The following INTS15 variants were observed in gnomAD, a reference collection of about 807,000 sequenced individuals.
INTS15 encodes integrator complex subunit 15.
chr7:6,604,661 C>T, the INTS15 span, among the ~76,000 whole-genome samples: 3 of 152,262 alleles, frequency 2.0e-5, no homozygotes, highest in East Asian at 1.9e-4. Context: ...AGCAGCAGAG[C>T]GCTGGGCAGC....
chr7:6,607,659 G>A, the INTS15 span: 14 of 1,498,868 alleles, frequency 9.3e-6, no homozygotes, highest in Non-Finnish European at 1.3e-5. The surrounding 1 kb of genome is among the most constrained non-coding windows in gnomAD (Gnocchi z 6.0). Context: ...GTGTCCCAGC[G>A]CAGCAGAGAG....
chr7:6,600,742 C>G, the INTS15 span, among the ~76,000 whole-genome samples: 1 of 152,154 alleles, frequency 6.6e-6, no homozygotes, highest in Non-Finnish European at 1.5e-5. Context: ...AGTGCAACCT[C>G]CATCTCCTGG....
At chr7:6,601,403 C>T in the INTS15 span, among the ~76,000 whole-genome samples, 5 of 151,304 alleles carry the variant, frequency 3.3e-5, no homozygotes, top group South Asian at 1.0e-3. Flanking sequence ...TCTAGTGATT[C>T]TACCGCCTCA....
chr7:6,597,344 G>C, the INTS15 span, among the ~76,000 whole-genome samples: 1 of 151,878 alleles, frequency 6.6e-6, no homozygotes, highest in Non-Finnish European at 1.5e-5. Flanking sequence ...ACCTAGGCTG[G>C]AGTGCAGTGG....
chr7:6,590,185 GC>G, the INTS15 span: 1 of 1,136,692 alleles, frequency 8.8e-7, no homozygotes, highest in Non-Finnish European at 1.2e-6. Flanking sequence ...CGCAGCCCAG[GC>G]CCGGGTCGCG....
the INTS15 span, chr7:6,590,124 C>A: frequency 1.9e-6 from 1 of 514,160 alleles, no homozygotes; most frequent in South Asian, 8.2e-5. Context: ...AGCGATGGCC[C>A]CCTGAGCAGG....
the INTS15 span, among the ~76,000 whole-genome samples, chr7:6,596,246 G>C: frequency 6.6e-6 from 1 of 151,828 alleles, no homozygotes; most frequent in African/African-American, 2.4e-5. Context: ...AGTAGAGATG[G>C]GGTTTCACCA....
chr7:6,601,762 T>A, the INTS15 span, among the ~76,000 whole-genome samples: 1 of 151,978 alleles, frequency 6.6e-6, no homozygotes, highest in South Asian at 2.1e-4. Context: ...GTTCAAGCAG[T>A]TCTCCTGCCT....
At chr7:6,598,290 C>T in the INTS15 span, among the ~76,000 whole-genome samples, 6 of 151,858 alleles carry the variant, frequency 4.0e-5, no homozygotes, top group Non-Finnish European at 5.9e-5. Flanking sequence ...GCCAACATGG[C>T]GAAACCCCAT....
the INTS15 span, among the ~76,000 whole-genome samples, chr7:6,595,840 G>T: frequency 3.3e-5 from 5 of 152,126 alleles, no homozygotes; most frequent in Non-Finnish European, 7.3e-5. Context: ...ACACTACCAG[G>T]CCTGGCTGAC....
chr7:6,605,118 G>C, the INTS15 span, among the ~76,000 whole-genome samples: 2 of 152,026 alleles, frequency 1.3e-5, no homozygotes, highest in Non-Finnish European at 2.9e-5. Flanking sequence ...TCAACCTCCT[G>C]AGTAGCTGGG....
chr7:6,592,944 C>CT, the INTS15 span, among the ~76,000 whole-genome samples: 10 of 152,170 alleles, frequency 6.6e-5, no homozygotes, highest in Non-Finnish European at 1.3e-4. Flanking sequence ...TTAGCAAGTA[C>CT]TGCTGTAAAC....
chr7:6,591,539 C>T, the INTS15 span: 4 of 926,462 alleles, frequency 4.3e-6, no homozygotes, highest in South Asian at 4.4e-5. Context: ...GCTGGGATTA[C>T]AGGCATGAGC....
chr7:6,604,100 C>T, the INTS15 span, among the ~76,000 whole-genome samples: 1 of 152,122 alleles, frequency 6.6e-6, no homozygotes, highest in Non-Finnish European at 1.5e-5. Flanking sequence ...CTTTTTGAGA[C>T]AGTCTTGCTT....
the INTS15 span, among the ~76,000 whole-genome samples, chr7:6,603,255 AAAAAT>A: frequency 6.6e-6 from 1 of 151,176 alleles, no homozygotes; most frequent in Non-Finnish European, 1.5e-5. Flanking sequence ...GTCAAAAATA[AAAAAT>A]AAAAAGGCCA....
At chr7:6,594,001 CTTTTTTTT>C in the INTS15 span, among the ~76,000 whole-genome samples, 276 of 68,962 alleles carry the variant, frequency 4.0e-3, 1 homozygote, top group Middle Eastern at 0.029. Flanking sequence ...AAGCCTTTAA[CTTTTTTTT>C]TTTTTTTTTT....
At chr7:6,599,113 T>G in the INTS15 span, among the ~76,000 whole-genome samples, 1 of 152,154 alleles carries the variant, frequency 6.6e-6, no homozygotes, top group Admixed American at 6.5e-5. Flanking sequence ...GGAAATCACT[T>G]GACATGACTG....
At chr7:6,590,972 G>T in the INTS15 span, among the ~76,000 whole-genome samples, 19 of 151,656 alleles carry the variant, frequency 1.3e-4, no homozygotes, top group African/African-American at 4.6e-4. Flanking sequence ...CTGAGTAGCT[G>T]GGACTCCAGG....
the INTS15 span, among the ~76,000 whole-genome samples, chr7:6,593,329 GTTTTT>G: frequency 7.6e-6 from 1 of 130,834 alleles, no homozygotes; most frequent in East Asian, 2.1e-4. Context: ...CTGTGCGGTG[GTTTTT>G]TTTTTTTTTT....
Sources: gnomAD v4.1 joint callset for allele counts (sites outside exome capture counted in the v4.1 genomes callset) on GRCh38, gnomAD v4.1.1 for gene constraint, Gnocchi (gnomAD v3.1) non-coding constraint, MANE v1.5 for transcripts, NCBI Gene and HGNC (gene_info 2026-07-23, HGNC 2026-07-21) for gene names.